NBAS: variants seen among roughly 807,000 people sequenced by gnomAD.
The protein encoded by NBAS is NBAS subunit of NRZ tethering complex, also known as NAG/BC035112 fusion.
A neutral mutation model predicts 302.5 loss-of-function variants in NBAS; 219 were observed. The observed-to-expected ratio is 0.72, with a 90% CI of 0.65 to 0.81. The LOEUF (loss-of-function observed/expected upper bound fraction) is 0.81, where lower values mean the gene tolerates loss of function less well. Among genes scored for constraint, NBAS ranks in the 30% least tolerant of loss-of-function variants. The pLI is 0.00. For synonymous variants in NBAS, 1,118 were observed against 1,021.6 expected (o/e 1.09, Z -1.80); for missense variants, 2,932 against 2,841.6 (o/e 1.03, Z -0.72).
At chr2:14,973,855 G>A in the NBAS span, among the ~76,000 whole-genome samples, 24 of 152,134 alleles carry the variant, frequency 1.6e-4, no homozygotes, top group African/African-American at 5.6e-4. Context: ...ACTGAATCAA[G>A]CTAAAGTCCT....
chr2:14,862,182 G>A, the NBAS span, among the ~76,000 whole-genome samples: 176 of 150,810 alleles, frequency 1.2e-3, 2 homozygotes, highest in African/African-American at 4.0e-3. Context: ...TGTGTCACCC[G>A]GGCTGGAGTG....
chr2:14,860,390 T>C, the NBAS span, among the ~76,000 whole-genome samples: 1 of 152,154 alleles, frequency 6.6e-6, no homozygotes, highest in South Asian at 2.1e-4. Context: ...TTCTCACGCA[T>C]TGCAGCACTA....
the NBAS span, among the ~76,000 whole-genome samples, chr2:14,802,528 A>G: frequency 6.6e-6 from 1 of 152,182 alleles, no homozygotes; most frequent in Non-Finnish European, 1.5e-5. Context: ...TTCCATATGA[A>G]CTGTAAAGTA....
chr2:15,435,676 T>C (rs1677976038), intron 21 of NBAS, among the ~76,000 whole-genome samples: 1 of 152,188 alleles, frequency 6.6e-6, no homozygotes, highest in African/African-American at 2.4e-5. Context: ...CTTTTCCAGC[T>C]CAAATTCCAG....
At chr2:15,330,566 G>A (rs1672282099) in intron 36 of NBAS, 32 bp downstream of exon 36, 1 of 1,612,546 alleles carries the variant, frequency 6.2e-7, no homozygotes, top group Non-Finnish European at 8.5e-7. Flanking sequence ...AAACCATGCA[G>A]TTGATTTTAA....
the NBAS span, among the ~76,000 whole-genome samples, chr2:15,052,579 A>G: frequency 1.3e-5 from 2 of 152,222 alleles, no homozygotes; most frequent in Admixed American, 1.3e-4. Context: ...CCTCTGCAGC[A>G]TACAACAAGA....
chr2:15,342,418 C>A (rs1241747107), intron 35 of NBAS, among the ~76,000 whole-genome samples: 3 of 152,062 alleles, frequency 2.0e-5, no homozygotes, highest in Non-Finnish European at 4.4e-5. Context: ...TTCAATGACA[C>A]ATACCAGTAT....
At position 15,367,390 on chromosome 2, in the gene NBAS, C is replaced by T. The variant is rs577959307; in HGVS notation, c.3704-697G>A. 2.6e-5 allele frequency among the ~76,000 whole-genome samples: 4 copies of T among 152,142 alleles called. No individual in the cohort carries two copies. In the South Asian group the frequency reaches 8.3e-4, roughly 32 times the overall value. Reference sequence around the variant, plus strand: ...AACACAGCACTGCCAGGGAGGCTGGCCCCCAATAATTATAATAACAACAAC... The same window carrying T: ...AACACAGCACTGCCAGGGAGGCTGGTCCCCAATAATTATAATAACAACAAC... On this transcript the variant is annotated intron_variant, in intron 31 of 51. Transcript: ENST00000281513.
rs534380256 is a variant in NBAS at position 15,461,693 on chromosome 2, A to C, written c.2196T>G (p.Tyr732Ter). 6.4e-7 allele frequency: 1 copy of C among 1,574,112 alleles called. No individual in the cohort carries two copies. Among genetic ancestry groups the C allele is most frequent in the African/African-American group, 1.4e-5 (1 of 74,056 alleles). The part of the protein sequence containing the change: ...NQNIVLSART[Y>*]AQESNVQALE... ...TTTACAAAAAGCAAATTACCTGAGC[A>C]TAAGTTCTTGCTGAGAGAACAATAT... is the stretch of plus-strand genomic sequence containing the variant. The change falls in exon 20 of 52, where the codon TAT becomes TAG. Residue 732 changes from tyrosine to a stop codon, truncating the protein, a stop_gained. Coordinates refer to ENST00000281513, the MANE Select transcript of NBAS (RefSeq NM_015909.4). LOFTEE classifies it high-confidence loss of function.
At chr2:15,462,622 TGAGGGAGG>T (rs955419969) in intron 19 of NBAS, among the ~76,000 whole-genome samples, 2 of 126,312 alleles carry the variant, frequency 1.6e-5, no homozygotes, top group Non-Finnish European at 3.3e-5. Context: ...GTGGAGGAGG[TGAGGGAGG>T]GAGGGAGGGA....
At chr2:15,446,702 G>A (rs1678763111) in intron 21 of NBAS, among the ~76,000 whole-genome samples, 1 of 152,012 alleles carries the variant, frequency 6.6e-6, no homozygotes, top group Non-Finnish European at 1.5e-5. Flanking sequence ...GTATTACGGA[G>A]TTCATAACAC....
intron 16 of NBAS, among the ~76,000 whole-genome samples, chr2:15,472,204 A>C (rs1000281014): frequency 3.9e-5 from 6 of 152,140 alleles, no homozygotes; most frequent in Non-Finnish European, 1.5e-5. Flanking sequence ...GCAAAGGAAG[A>C]GGCTCTGCTT....
Position 15,385,486 on chromosome 2 carries a change from T to C in NBAS, c.3258-2169A>G, listed in dbSNP as rs1001053199. ...TAAAAATAAACTACTATGCATTACT[T>C]ACAATGGCCTTTTTAAGAATATATT... On this transcript the variant is annotated intron_variant, in intron 28 of 51. Coordinates refer to ENST00000281513, the MANE Select transcript of NBAS (RefSeq NM_015909.4). Among the ~76,000 whole-genome samples, 8 of 124,996 alleles carry C rather than the reference T, an allele frequency of 6.4e-5. 1 individual carries two copies. The South Asian group carries it at 7.9e-4, about 12-fold the overall frequency. The allele number at this position is 124,996 out of a possible 152,430, so 82.0% of individuals were successfully genotyped here.
chr2:15,126,585 G>A, the NBAS span, among the ~76,000 whole-genome samples: 1 of 152,184 alleles, frequency 6.6e-6, no homozygotes, highest in Admixed American at 6.5e-5. Context: ...CTGGGGTACT[G>A]ATACTCCACA....
Position 15,352,706 on chromosome 2 carries a change from C to T in NBAS, c.4090-625G>A, listed in dbSNP as rs114755034. Among the ~76,000 whole-genome samples, 642 of 152,206 alleles carry T rather than the reference C, an allele frequency of 4.2e-3. 6 individuals are homozygous for T. Among genetic ancestry groups the T allele is most frequent in the African/African-American group, 0.015 (613 of 41,528 alleles). ...TGCATGTTCAGCTGCAGCGTTCTTC[C>T]CTTTTCCGGTGGAATGCCCTCACAG... On this transcript the variant is annotated intron_variant, in intron 34 of 51. Coordinates refer to ENST00000281513, the MANE Select transcript of NBAS (RefSeq NM_015909.4).
chr2:15,038,561 CACAGACA>C, the NBAS span, among the ~76,000 whole-genome samples: 1 of 152,216 alleles, frequency 6.6e-6, no homozygotes, highest in East Asian at 1.9e-4. Flanking sequence ...CTGCACCAGC[CACAGACA>C]TCTGCTGCCT....
At chr2:14,922,843 C>A in the NBAS span, among the ~76,000 whole-genome samples, 1 of 152,184 alleles carries the variant, frequency 6.6e-6, no homozygotes, top group Non-Finnish European at 1.5e-5. Context: ...TTACTTGCTA[C>A]TCATCCTTGA....
chr2:15,067,413 GGGAGAGGAGGGGAGAGGAGGGGAGA>G, the NBAS span, among the ~76,000 whole-genome samples: 276 of 14,274 alleles, frequency 0.019, 29 homozygotes, highest in East Asian at 0.049. Flanking sequence ...GGGAGGGGAG[GGGAGAGGAGGGGAGAGGAGGGGAGA>G]GGAGGGGAGA....
chr2:15,415,165 C>T (rs775770723), intron 25 of NBAS, among the ~76,000 whole-genome samples: 1 of 152,124 alleles, frequency 6.6e-6, no homozygotes, highest in Non-Finnish European at 1.5e-5. Flanking sequence ...CACTTTATAT[C>T]ACAATTTTCA....
Sources: allele counts gnomAD v4.1 joint callset (sites outside exome capture counted in the v4.1 genomes callset), GRCh38; gene constraint gnomAD v4.1.1; transcripts MANE v1.5; gene names NCBI Gene and HGNC (gene_info 2026-07-23, HGNC 2026-07-21).